Variants in CYB5R4 observed in about 807,000 individuals in gnomAD.
CYB5R4 encodes the protein N-terminal cytochrome b5 and cytochrome b5 oxidoreductase domain-containing protein.
In CYB5R4, 55 loss-of-function variants were observed where a neutral mutation model predicts 70.2. That is an observed-to-expected ratio of 0.78 (90% CI 0.63 to 0.98). The LOEUF (loss-of-function observed/expected upper bound fraction) is 0.98, where lower values mean the gene tolerates loss of function less well. CYB5R4 is among the 50% of genes least tolerant of loss of function. CYB5R4 has a pLI of 0.00. For synonymous variants in CYB5R4, 197 were observed against 199.5 expected (o/e 0.99, Z 0.11); for missense variants, 562 against 612.6 (o/e 0.92, Z 0.87).
chr6:83,864,366 C>A, intron 2 of CYB5R4, 38 bp downstream of exon 2: 1 of 1,564,696 alleles, frequency 6.4e-7, no homozygotes, highest in South Asian at 1.2e-5. Flanking sequence ...AAAATGTTGC[C>A]TGAACTTTCC....
chr6:83,917,801 T>G (rs2099465752), intron 5 of CYB5R4, among the ~76,000 whole-genome samples: 1 of 152,046 alleles, frequency 6.6e-6, no homozygotes, highest in Non-Finnish European at 1.5e-5. Flanking sequence ...AAAGGGGGCA[T>G]GAAGAGAGTG....
intron 3 of CYB5R4, among the ~76,000 whole-genome samples, chr6:83,897,076 A>G (rs2099462030): frequency 6.9e-6 from 1 of 145,792 alleles, no homozygotes; most frequent in South Asian, 2.1e-4. Context: ...CTACCTCACA[A>G]CAGGCCCCGG....
chr6:83,917,719 A>G (rs1190248726), intron 5 of CYB5R4, among the ~76,000 whole-genome samples: 2 of 152,170 alleles, frequency 1.3e-5, no homozygotes, highest in Non-Finnish European at 2.9e-5. Flanking sequence ...TAAAGTTCAA[A>G]CACAGGCAAA....
At chr6:83,956,449 T>C (rs1235398377) in intron 15 of CYB5R4, among the ~76,000 whole-genome samples, 1 of 152,198 alleles carries the variant, frequency 6.6e-6, no homozygotes, top group Non-Finnish European at 1.5e-5. Context: ...GTTGAGTTTG[T>C]CTAAAGACCT....
intron 6 of CYB5R4, among the ~76,000 whole-genome samples, chr6:83,919,073 C>T (rs1168345374): frequency 6.6e-6 from 1 of 151,964 alleles, no homozygotes; most frequent in African/African-American, 2.4e-5. Flanking sequence ...TGCTCTTTAA[C>T]AAAATATGTT....
At chr6:83,933,157 G>A (rs1449149015) in intron 10 of CYB5R4, among the ~76,000 whole-genome samples, 2 of 152,144 alleles carry the variant, frequency 1.3e-5, no homozygotes, top group Non-Finnish European at 2.9e-5. Flanking sequence ...TGACCCTTTG[G>A]TTAGTCCAGT....
intron 12 of CYB5R4, among the ~76,000 whole-genome samples, chr6:83,939,227 A>G (rs1482845432): frequency 6.6e-6 from 1 of 152,226 alleles, no homozygotes; most frequent in African/African-American, 2.4e-5. Context: ...CAAGCATTTT[A>G]AAATAGAGTA....
chr6:83,921,099 A>T lies in CYB5R4; in HGVS notation c.582A>T (p.Ser194=). 1 of 1,521,814 alleles carries T rather than the reference A, an allele frequency of 6.6e-7. No homozygotes were observed. Among genetic ancestry groups the T allele is most frequent in the Middle Eastern group, 1.8e-4 (1 of 5,574 alleles). The allele number at this position is 1,521,814 out of a possible 1,614,324, so 94.3% of individuals were successfully genotyped here. A position where few individuals can be genotyped will look rare whatever the true frequency, so the allele number is the denominator to read the frequency against. The change falls in exon 8 of 16, where the codon TCA becomes TCT. Residue 194 remains serine, a synonymous_variant. Coordinates refer to ENST00000369681, the MANE Select transcript of CYB5R4 (RefSeq NM_016230.4). ...YTKQKDINLD[S]IIVDHQNDSF... Reference sequence around the variant, plus strand: ...TCTTTAAGGATATCAATTTAGACTCAATAATAGTTGATCATCAGAATGATT... The same window carrying T: ...TCTTTAAGGATATCAATTTAGACTCTATAATAGTTGATCATCAGAATGATT...
intron 3 of CYB5R4, among the ~76,000 whole-genome samples, chr6:83,907,698 A>G (rs530060782): frequency 9.2e-5 from 14 of 152,252 alleles, no homozygotes; most frequent in Non-Finnish European, 1.5e-4. Context: ...CTCATCATTT[A>G]GCTCCCACTT....
chr6:83,882,732 A>T (rs955897122), intron 2 of CYB5R4, among the ~76,000 whole-genome samples: 5 of 152,188 alleles, frequency 3.3e-5, no homozygotes, highest in African/African-American at 1.2e-4. Flanking sequence ...TCACGCCTAT[A>T]ATCCCAGCAG....
intron 10 of CYB5R4, among the ~76,000 whole-genome samples, chr6:83,929,192 A>T (rs1372890637): frequency 6.6e-6 from 1 of 152,192 alleles, no homozygotes; most frequent in African/African-American, 2.4e-5. Context: ...GCAAAGCCGA[A>T]TGCTTACATC....
chr6:83,915,523 G>T (rs898394209), intron 5 of CYB5R4, among the ~76,000 whole-genome samples: 1 of 152,166 alleles, frequency 6.6e-6, no homozygotes, highest in Admixed American at 6.5e-5. Context: ...ATTGATTACC[G>T]ATAGACTAGG....
intron 2 of CYB5R4, among the ~76,000 whole-genome samples, chr6:83,877,537 G>C (rs2099458762): frequency 6.6e-6 from 1 of 152,034 alleles, no homozygotes; most frequent in African/African-American, 2.4e-5. Context: ...TGGTGAGAGA[G>C]GGGGAAGGGC....
intron 10 of CYB5R4, among the ~76,000 whole-genome samples, chr6:83,933,389 T>C (rs1226793125): frequency 1.3e-5 from 2 of 152,232 alleles, no homozygotes. Context: ...TGGATTCATT[T>C]GTGACTAAAA....
chr6:83,959,970 A>G lies in CYB5R4; in HGVS notation c.*92A>G. The G allele has an allele frequency of 1.1e-6, 1 of 932,484 alleles. No individual in the cohort carries two copies. The highest frequency in any genetic ancestry group is 1.6e-6 in the Non-Finnish European group (1 of 643,468). The allele number at this position is 932,484 out of a possible 1,614,324, so 57.8% of individuals were successfully genotyped here. On this transcript the variant is annotated 3_prime_UTR_variant, in exon 16 of 16. Coordinates refer to ENST00000369681, the MANE Select transcript of CYB5R4 (RefSeq NM_016230.4). ...AGAGAACATTTTTGTACATAACAAAAGGTTAACTAGAATCCAGCCTTCAGT... is the reference window on the plus strand; with the variant it reads ...AGAGAACATTTTTGTACATAACAAAGGGTTAACTAGAATCCAGCCTTCAGT...
At chr6:83,955,797 T>C (rs775363238) in intron 15 of CYB5R4, among the ~76,000 whole-genome samples, 1 of 152,120 alleles carries the variant, frequency 6.6e-6, no homozygotes, top group Non-Finnish European at 1.5e-5. Flanking sequence ...TCATAATATA[T>C]AGTAATTAAT....
chr6:83,957,347 T>G (rs1447594632), intron 15 of CYB5R4, among the ~76,000 whole-genome samples: 1 of 152,106 alleles, frequency 6.6e-6, no homozygotes, highest in African/African-American at 2.4e-5. Flanking sequence ...ATTAGAATCA[T>G]TTTTGCATTT....
intron 2 of CYB5R4, among the ~76,000 whole-genome samples, chr6:83,870,456 TC>T (rs1470180227): frequency 3.3e-5 from 5 of 150,036 alleles, no homozygotes; most frequent in African/African-American, 1.2e-4. Context: ...TTTTTTTTTT[TC>T]CTAGGTTTCC....
intron 8 of CYB5R4, among the ~76,000 whole-genome samples, chr6:83,922,137 G>A (rs543339910): frequency 6.6e-6 from 1 of 152,184 alleles, no homozygotes; most frequent in Admixed American, 6.5e-5. Context: ...CTCCTCTCTT[G>A]GTTTGTAGGA....
Sources: gnomAD v4.1 joint callset for allele counts (sites outside exome capture counted in the v4.1 genomes callset) on GRCh38, gnomAD v4.1.1 for gene constraint, MANE v1.5 for transcripts, NCBI Gene and HGNC (gene_info 2026-07-23, HGNC 2026-07-21) for gene names.